Variants in TMEM117 observed in about 807,000 individuals in gnomAD.
TMEM117 encodes transmembrane protein 117.
Under a neutral mutation model 52.4 loss-of-function variants are expected in TMEM117, and 27 were observed. The observed-to-expected ratio is 0.51, with a 90% CI of 0.38 to 0.71. TMEM117 has a LOEUF of 0.71. Among genes scored for constraint, TMEM117 ranks in the 30% least tolerant of loss-of-function variants. The pLI is 0.00. For missense variants in TMEM117, 556 were observed against 630.5 expected (o/e 0.88, Z 1.26); for synonymous variants, 215 against 206.3 (o/e 1.04, Z -0.36).
At chr12:44,064,129 G>T (rs566234280) in intron 3 of TMEM117, among the ~76,000 whole-genome samples, 259 of 152,168 alleles carry the variant, frequency 1.7e-3, no homozygotes, top group African/African-American at 6.0e-3. Context: ...AGAAAGAGAT[G>T]ATTCCCTAAA....
chr12:44,376,854 T>A, intron 7 of TMEM117, 130 bp downstream of exon 7: 1 of 1,002,720 alleles, frequency 1.0e-6, no homozygotes, highest in Non-Finnish European at 1.4e-6. Context: ...CACTTAACAG[T>A]GCAAGGTGGT....
chr12:44,140,221 G>T (rs1277428540), intron 3 of TMEM117, among the ~76,000 whole-genome samples: 1 of 152,084 alleles, frequency 6.6e-6, no homozygotes, highest in Non-Finnish European at 1.5e-5. Context: ...CTTCCAGTCA[G>T]TCAAGAAGCT....
At chr12:44,048,628 C>A (rs531169167) in intron 3 of TMEM117, among the ~76,000 whole-genome samples, 8 of 152,288 alleles carry the variant, frequency 5.3e-5, no homozygotes, top group African/African-American at 1.9e-4. Flanking sequence ...ACTGAGGCTA[C>A]AACTAAATAA....
intron 3 of TMEM117, among the ~76,000 whole-genome samples, chr12:44,125,165 C>T (rs1424883666): frequency 2.0e-5 from 3 of 152,042 alleles, no homozygotes; most frequent in Non-Finnish European, 4.4e-5. Context: ...AGTGCAGTGG[C>T]GTGATCTTGG....
At chr12:44,077,961 AAAG>A (rs1409861260) in intron 3 of TMEM117, among the ~76,000 whole-genome samples, 25 of 152,276 alleles carry the variant, frequency 1.6e-4, no homozygotes, top group African/African-American at 5.5e-4. Context: ...TACAAACTCA[AAAG>A]AAGGAGGAAA....
At chr12:43,995,482 T>C (rs543144403) in intron 3 of TMEM117, among the ~76,000 whole-genome samples, 171 of 152,334 alleles carry the variant, frequency 1.1e-3, no homozygotes, top group African/African-American at 3.9e-3. Flanking sequence ...CCATACTCTT[T>C]GAAGCACTGT....
chr12:44,396,651 C>G, the TMEM117 span, among the ~76,000 whole-genome samples: 6 of 151,924 alleles, frequency 3.9e-5, no homozygotes, highest in Non-Finnish European at 8.8e-5. Context: ...GTCAGGAGTT[C>G]GAGACCAGCC....
chr12:44,331,103 G>T (rs1037529939), intron 6 of TMEM117, among the ~76,000 whole-genome samples: 2 of 151,602 alleles, frequency 1.3e-5, no homozygotes, highest in African/African-American at 2.4e-5. Context: ...CTGTGTGGAG[G>T]TGACCACTGA....
chr12:43,798,997 G>T, the TMEM117 span, among the ~76,000 whole-genome samples: 1 of 152,004 alleles, frequency 6.6e-6, no homozygotes, highest in African/African-American at 2.4e-5. Context: ...GTTCATAGAA[G>T]TTAATTTGTA....
At chr12:44,078,163 A>G (rs931866551) in intron 3 of TMEM117, among the ~76,000 whole-genome samples, 4 of 152,236 alleles carry the variant, frequency 2.6e-5, no homozygotes, top group Non-Finnish European at 5.9e-5. Flanking sequence ...ATAGAACACT[A>G]TTTATGTAAA....
intron 6 of TMEM117, among the ~76,000 whole-genome samples, chr12:44,321,239 C>T (rs1951125470): frequency 2.0e-5 from 3 of 152,132 alleles, no homozygotes; most frequent in Admixed American, 2.0e-4. Flanking sequence ...TTTTACAAAG[C>T]ACAATCATCA....
intron 3 of TMEM117, among the ~76,000 whole-genome samples, chr12:44,054,875 A>G (rs1015235161): frequency 1.3e-5 from 2 of 151,994 alleles, no homozygotes; most frequent in Non-Finnish European, 2.9e-5. Flanking sequence ...ATGTCTCCTA[A>G]TGCTATCCCT....
At chr12:43,902,918 G>GC (rs1944328434) in intron 2 of TMEM117, among the ~76,000 whole-genome samples, 1 of 152,044 alleles carries the variant, frequency 6.6e-6, no homozygotes, top group Non-Finnish European at 1.5e-5. Flanking sequence ...AAAAAATGCT[G>GC]CAAGTAAATT....
chr12:43,839,828 A>G (rs920529805), intron 1 of TMEM117, among the ~76,000 whole-genome samples: 1 of 152,264 alleles, frequency 6.6e-6, no homozygotes, highest in East Asian at 1.9e-4. Flanking sequence ...GAATTAACAA[A>G]TCTGTACATC....
chr12:44,220,140 G>A (rs1254881335), intron 5 of TMEM117, among the ~76,000 whole-genome samples: 5 of 152,232 alleles, frequency 3.3e-5, no homozygotes, highest in East Asian at 1.9e-4. Flanking sequence ...TGTTGACTGG[G>A]AATTTTAAGA....
intron 3 of TMEM117, among the ~76,000 whole-genome samples, chr12:44,064,648 T>G (rs1348699114): frequency 6.6e-6 from 1 of 152,204 alleles, no homozygotes; most frequent in Non-Finnish European, 1.5e-5. Context: ...CTTTCTCTCC[T>G]GAATGGTATG....
intron 3 of TMEM117, among the ~76,000 whole-genome samples, chr12:44,136,790 C>A (rs1385975910): frequency 1.3e-5 from 2 of 151,934 alleles, no homozygotes; most frequent in Admixed American, 6.6e-5. Flanking sequence ...AAGATATGTT[C>A]TTTATTTTGA....
At chr12:44,385,252 A>G (rs1164552455) in intron 7 of TMEM117, among the ~76,000 whole-genome samples, 1 of 152,172 alleles carries the variant, frequency 6.6e-6, no homozygotes, top group African/African-American at 2.4e-5. Context: ...GTTAGGCCAT[A>G]CAGTTTTAAT....
chr12:44,216,754 G>A (rs944182204), intron 5 of TMEM117, among the ~76,000 whole-genome samples: 2 of 152,170 alleles, frequency 1.3e-5, no homozygotes, highest in African/African-American at 4.8e-5. Flanking sequence ...TGTTCATAGT[G>A]TGTTGCTGTG....
Sources: allele counts gnomAD v4.1 joint callset (sites outside exome capture counted in the v4.1 genomes callset), GRCh38; gene constraint gnomAD v4.1.1; transcripts MANE v1.5; gene names NCBI Gene and HGNC (gene_info 2026-07-23, HGNC 2026-07-21).